KRI1: variants seen among roughly 807,000 people sequenced by gnomAD.
KRI1 encodes the protein KRI1 homolog.
KRI1 carries 83 observed loss-of-function variants against 97.0 expected under a neutral mutation model. The observed-to-expected ratio is 0.86, with a 90% CI of 0.72 to 1.03. KRI1 has a LOEUF of 1.03. Ranked by LOEUF, KRI1 falls within the 50% of genes least tolerant of loss-of-function variation. KRI1 has a pLI of 0.00. For missense variants in KRI1, 916 were observed against 928.4 expected (o/e 0.99, Z 0.17); for synonymous variants, 371 against 363.5 (o/e 1.02, Z -0.23).
Position 10,553,421 on chromosome 19 carries a change from G to A in KRI1, c.*530C>T, listed in dbSNP as rs746558078. 8.7e-6 allele frequency: 2 copies of A among 229,296 alleles called. No individual in the cohort carries two copies. The highest frequency in any genetic ancestry group is 5.0e-5 in the Admixed American group (1 of 19,888). 14.2% of individuals were successfully genotyped at this position (229,296 alleles called of 1,614,324 possible). The stretch of plus-strand genomic sequence containing the variant: ...GCCAATAAAGCTGTGTAACTTGATC[G>A]TGGGTGTGGCTGGGCGCAGCGTTCT... On this transcript the variant is annotated 3_prime_UTR_variant, in exon 19 of 19. Coordinates refer to ENST00000312962, the MANE Select transcript of KRI1 (RefSeq NM_023008.5).
At chr19:10,565,580 T>G in intron 2 of KRI1, 137 bp downstream of exon 2, 5 of 1,093,336 alleles carry the variant, frequency 4.6e-6, no homozygotes, top group African/African-American at 1.9e-5. Context: ...CTGTCCCTCA[T>G]GGGATGGGGA....
chr19:10,556,942 A>T (rs1381677786), intron 16 of KRI1, among the ~76,000 whole-genome samples: 1 of 151,892 alleles, frequency 6.6e-6, no homozygotes, highest in Non-Finnish European at 1.5e-5. Flanking sequence ...GGTTGGCACC[A>T]CTGCACTCCA....
chr19:10,561,914 G>A (rs1916715613), intron 4 of KRI1, 69 bp from the exon 5 acceptor site: 1 of 1,442,660 alleles, frequency 6.9e-7, no homozygotes, highest in Non-Finnish European at 9.7e-7. Flanking sequence ...CCCATGCGGA[G>A]CAGCTATTCC....
At chr19:10,554,811 A>T (rs1916446173) in intron 18 of KRI1, among the ~76,000 whole-genome samples, 1 of 152,154 alleles carries the variant, frequency 6.6e-6, no homozygotes, top group Non-Finnish European at 1.5e-5. Context: ...CATTTACCAT[A>T]TCTTAATCAC....
At chr19:10,559,765 GCCTGAACCCTGGGGGCTGAGT>G (rs762230706) in intron 10 of KRI1, 24 bp downstream of exon 10, 2 of 1,613,712 alleles carry the variant, frequency 1.2e-6, no homozygotes, top group Non-Finnish European at 1.7e-6. Flanking sequence ...GGTTCCCTGG[GCCTGAACCCTGGGGGCTGAGT>G]CCTCCCCAGC....
chr19:10,556,360 C>T (rs1031258721), intron 16 of KRI1, among the ~76,000 whole-genome samples: 7 of 150,128 alleles, frequency 4.7e-5, no homozygotes, highest in African/African-American at 1.7e-4. Context: ...GCTGCTAATA[C>T]ATACTGACAG....
intron 12 of KRI1, 54 bp from the exon 13 acceptor site, chr19:10,558,293 G>A (rs1447526659): frequency 1.9e-5 from 30 of 1,562,160 alleles, no homozygotes; most frequent in Non-Finnish European, 2.5e-5. Context: ...TAGGAGCTGA[G>A]CCCCCTACGA....
Position 10,560,447 on chromosome 19 carries a change from G to C in KRI1, c.665C>G (p.Thr222Arg). The C allele has an allele frequency of 1.9e-6, 3 of 1,606,290 alleles. No homozygotes were observed. Among genetic ancestry groups the C allele is most frequent in the Non-Finnish European group, 2.6e-6 (3 of 1,175,516 alleles). The stretch of plus-strand genomic sequence containing the variant: ...GTCGTTCCAGTATTCCTTGAGATGC[G>C]TCTGGGGGTGACAGGAGACAGGACT... Reference protein sequence around the residue: ...IRNPDSLKELTHLKEYWNDPE... With the variant: ...IRNPDSLKELRHLKEYWNDPE... The change falls in exon 9 of 19, where the codon ACG (threonine) becomes AGG (arginine). Residue 222 changes from threonine (T) to arginine (R), a missense_variant and splice_region_variant. This residue lies in a region of KRI1 where 672 missense variants were observed against 667.2 expected (regional missense o/e 1.01). Transcript: ENST00000312962.
rs1354223721 is a variant in KRI1 at position 10,565,034 on chromosome 19, C to T, written c.169G>A (p.Glu57Lys). The T allele has an allele frequency of 6.2e-7, 1 of 1,600,908 alleles. No individual in the cohort carries two copies. Among genetic ancestry groups the T allele is most frequent in the East Asian group, 2.2e-5 (1 of 44,782 alleles). Residue 57 changes from glutamate to lysine, a missense_variant and splice_region_variant, in exon 3 of 19, where the codon GAA (glutamate) becomes AAA (lysine). By Grantham distance (56) the Glu-to-Lys change is moderately conservative. This residue lies in a region of KRI1 where 173 missense variants were observed against 153.1 expected (regional missense o/e 1.13). Transcript: ENST00000312962. The part of the protein sequence containing the change: ...SESDSSDERV[E>K]FDPQQERDFY... ...TCCCGCTCCTGCTGGGGATCAAATT[C>T]CTAGGGCAGGAAAAGGGTTGGGGAT...
Position 10,561,896 on chromosome 19 carries a change from TC to T in KRI1, c.384-52del, listed in dbSNP as rs764857037. On this transcript the variant is annotated intron_variant, in intron 4 of 18. Coordinates refer to ENST00000312962, the MANE Select transcript of KRI1 (RefSeq NM_023008.5). ...GAATATATCTTCCAGGGCCCGCCTG[TC>T]CCCATGCCCATGCGGAGCAGCTATT... 26 of 1,555,332 alleles carry T rather than the reference TC, an allele frequency of 1.7e-5. No homozygotes were observed. The South Asian group carries it at 2.5e-4, about 15-fold the overall frequency.
intron 12 of KRI1, 49 bp from the exon 13 acceptor site, chr19:10,558,288 G>T: frequency 6.3e-7 from 1 of 1,577,132 alleles, no homozygotes; most frequent in Non-Finnish European, 8.7e-7. Context: ...AGACATAGGA[G>T]CTGAGCCCCC....
rs1247475964 is a variant in KRI1, at chr19:10,559,671, C to T, written c.965G>A (p.Arg322His). The T allele has an allele frequency of 2.7e-5, 43 of 1,613,874 alleles. No homozygotes were observed. The highest frequency in any genetic ancestry group is 1.3e-4 in the Admixed American group (8 of 59,972). The change falls in exon 11 of 19, where the codon CGC (arginine) becomes CAC (histidine). Residue 322 changes from arginine to histidine, a missense_variant. Arg to His is a conservative substitution (Grantham distance 29). Around this residue, in one of 3 missense-constraint regions of KRI1, gnomAD observed 672 missense variants for 667.2 expected, o/e 1.01. Coordinates refer to ENST00000312962, the MANE Select transcript of KRI1 (RefSeq NM_023008.5). Reference protein sequence around the residue: ...TYPRSIASSVRRKDERRKEKR... With the variant: ...TYPRSIASSVHRKDERRKEKR... ...CTCCTTTCTGCGCTCATCCTTACGG[C>T]GCACGGAGGACGCGATGCTGCGTGG...
chr19:10,555,119 C>A lies in KRI1; in HGVS notation c.1749G>T (p.Lys583Asn). 1 of 1,610,900 alleles carries A rather than the reference C, an allele frequency of 6.2e-7. No homozygotes were observed. Among genetic ancestry groups the A allele is most frequent in the Non-Finnish European group, 8.5e-7 (1 of 1,178,798 alleles). The change falls in exon 18 of 19, where the codon AAG becomes AAT. Residue 583 changes from lysine (K) to asparagine (N), a missense_variant. Physicochemically the swap from Lys to Asn is moderately conservative, Grantham distance 94. Around this residue, in one of 3 missense-constraint regions of KRI1, gnomAD observed 672 missense variants for 667.2 expected, o/e 1.01. Transcript: ENST00000312962. ...YSQKAQNSWK[K>N]RQVFKSLCRE... ...GGCAGAGTGACTTGAAGACCTGCCG[C>A]TTTTTCCATGAGTTCTGGGCCTTCT...
intron 9 of KRI1, 58 bp from the exon 10 acceptor site, chr19:10,559,994 T>C: frequency 5.0e-6 from 8 of 1,588,262 alleles, no homozygotes; most frequent in Non-Finnish European, 6.0e-6. Flanking sequence ...GAGCCCCCCT[T>C]TCCTGCACGC....
chr19:10,560,477 T>A, intron 8 of KRI1, 29 bp from the exon 9 acceptor site: 2 of 1,546,624 alleles, frequency 1.3e-6, no homozygotes, highest in Non-Finnish European at 1.8e-6. Context: ...AGGACTCTGG[T>A]CAATGGAGGA....
chr19:10,555,267 C>CCT lies in KRI1; in HGVS notation c.1682+17_1682+18insAG, dbSNP rs765537702. 21 of 1,613,080 alleles carry CCT rather than the reference C, an allele frequency of 1.3e-5. No homozygotes were observed. Among genetic ancestry groups the CCT allele is most frequent in the African/African-American group, 2.7e-5 (2 of 74,902 alleles). ...CTGCCCCCTGCGCATGTGGCCCCGCCGCGCCCCGCCCCATCACCTGTACAT... is the reference window on the plus strand; with the variant it reads ...CTGCCCCCTGCGCATGTGGCCCCGCCCTGCGCCCCGCCCCATCACCTGTACAT... On this transcript the variant is annotated intron_variant, in intron 17 of 18. Transcript: ENST00000312962.
At chr19:10,555,396 G>C (rs373622301) in intron 16 of KRI1, 47 bp from the exon 17 acceptor site, 5 of 1,599,496 alleles carry the variant, frequency 3.1e-6, no homozygotes, top group Non-Finnish European at 4.3e-6. Flanking sequence ...TTGCCCAGGC[G>C]GGGCCTTCCC....
Position 10,559,598 on chromosome 19 carries a change from A to T in KRI1, c.1023+15T>A. On this transcript the variant is annotated intron_variant, in intron 11 of 18. Transcript: ENST00000312962. ...AGGGCTGGGGGGTCCTCCCCAGCTC[A>T]CCCCCCACACTCACCCTCTTCTTTC... The T allele has an allele frequency of 6.2e-7, 1 of 1,612,662 alleles. No homozygotes were observed. The highest frequency in any genetic ancestry group is 8.5e-7 in the Non-Finnish European group (1 of 1,179,588).
At position 10,560,338 on chromosome 19, in the gene KRI1, A is replaced by C. The variant is rs189038444; in HGVS notation, c.774T>G (p.Asp258Glu). The part of the protein sequence containing the change: ...RYEEEEEEEE[D>E]EEEMEEEEGV... ...CCTCCTCTTCCTCCATTTCCTCTTC[A>C]TCTTCCTCCTCCTCTTCCTCCTCCT... The change falls in exon 9 of 19, where the codon GAT becomes GAG. Residue 258 changes from aspartate to glutamate, a missense_variant. Around this residue, in one of 3 missense-constraint regions of KRI1, gnomAD observed 672 missense variants for 667.2 expected, o/e 1.01. Transcript: ENST00000312962. 1 of 1,611,934 alleles carries C rather than the reference A, an allele frequency of 6.2e-7. No homozygotes were observed. Among genetic ancestry groups the C allele is most frequent in the Non-Finnish European group, 8.5e-7 (1 of 1,178,956 alleles).
Sources: allele counts gnomAD v4.1 joint callset (sites outside exome capture counted in the v4.1 genomes callset), GRCh38; gene constraint gnomAD v4.1.1; regional missense constraint gnomAD v4.1.1; transcripts MANE v1.5; gene names NCBI Gene and HGNC (gene_info 2026-07-23, HGNC 2026-07-21).